Variants in JHY observed in about 807,000 individuals in gnomAD.
JHY encodes junctional cadherin complex regulator, also known as jhy protein homolog.
JHY carries 69 observed loss-of-function variants against 78.0 expected under a neutral mutation model. The observed-to-expected ratio is 0.88, with a 90% CI of 0.73 to 1.08. The LOEUF is 1.08. Ranked by LOEUF, JHY falls within the 50% of genes least tolerant of loss-of-function variation. The pLI, the probability that JHY is intolerant of heterozygous loss-of-function variation, is 0.00. For missense variants in JHY, 944 were observed against 927.8 expected, an observed-to-expected ratio of 1.02 and a Z score of -0.23; for synonymous variants, 368 against 342.6, an observed-to-expected ratio of 1.07 and a Z score of -0.82.
chr11:122,915,350 G>A (rs1273770393), intron 3 of JHY, among the ~76,000 whole-genome samples: 3 of 152,156 alleles, frequency 2.0e-5, no homozygotes, highest in East Asian at 1.9e-4. Context: ...CATGTAAACA[G>A]TCAATACCAA....
intron 1 of JHY, 42 bp from the exon 2 acceptor site, chr11:122,885,719 A>G (rs1862479590): frequency 1.5e-6 from 1 of 671,806 alleles, no homozygotes; most frequent in African/African-American, 1.8e-5. Context: ...CAGTATTGAG[A>G]TTTTAGTGGT....
At chr11:122,892,922 TAG>T (rs1862656138) in intron 2 of JHY, among the ~76,000 whole-genome samples, 1 of 152,172 alleles carries the variant, frequency 6.6e-6, no homozygotes, top group African/African-American at 2.4e-5. Flanking sequence ...TCGTACTGAT[TAG>T]GAGATTAAAG....
intron 3 of JHY, among the ~76,000 whole-genome samples, chr11:122,914,739 G>A (rs750393612): frequency 4.6e-5 from 7 of 151,892 alleles, no homozygotes; most frequent in South Asian, 2.1e-4. Context: ...CACCACACCC[G>A]GCCTGGTGGT....
intron 2 of JHY, among the ~76,000 whole-genome samples, chr11:122,896,342 C>CAAAAAA (rs11370911): frequency 1.4e-5 from 1 of 73,404 alleles, no homozygotes; most frequent in African/African-American, 5.4e-5. Context: ...GACTCTGTCT[C>CAAAAAA]AAAAAAAAAA....
chr11:122,934,435 T>C lies in JHY; in HGVS notation c.994T>C (p.Trp332Arg), dbSNP rs1433830053. 4 of 1,605,638 alleles carry C rather than the reference T, an allele frequency of 2.5e-6. No homozygotes were observed. The highest frequency in any genetic ancestry group is 3.4e-6 in the Non-Finnish European group (4 of 1,174,628). Residue 332 changes from tryptophan to arginine, a missense_variant, in exon 5 of 9, where the codon TGG becomes CGG. Transcript: ENST00000227349. ...ATCTCTTTAGAATTACCAGGAACAC[T>C]GGTCTCAATATGAAAGTACAAAATC... is the stretch of plus-strand genomic sequence containing the variant. ...AQQLKNYQEH[W>R]SQYESTKSSN...
intron 2 of JHY, among the ~76,000 whole-genome samples, chr11:122,900,511 C>CTTTT (rs374998954): frequency 0.012 from 792 of 65,022 alleles, 36 homozygotes; most frequent in African/African-American, 0.033. Flanking sequence ...ATACTACCAG[C>CTTTT]TTTTTTTTTT....
Position 122,934,715 on chromosome 11 carries a change from A to G in JHY, c.1274A>G (p.Gln425Arg). 30 of 1,614,176 alleles carry G rather than the reference A, an allele frequency of 1.9e-5. No homozygotes were observed. The highest frequency in any genetic ancestry group is 2.5e-5 in the Non-Finnish European group (30 of 1,180,032). ...VIMHASNNDV[Q>R]ASRALRSHNL... ...ATGCATGCCTCTAACAATGATGTAC[A>G]AGCCTCAAGGGCACTTAGAAGCCAC... Residue 425 changes from glutamine to arginine, a missense_variant, in exon 5 of 9, where the codon CAA becomes CGA. Gln to Arg is a conservative substitution (Grantham distance 43). Transcript: ENST00000227349.
chr11:122,954,268 C>G (rs1864148285), intron 6 of JHY, among the ~76,000 whole-genome samples: 1 of 152,216 alleles, frequency 6.6e-6, no homozygotes, highest in Non-Finnish European at 1.5e-5. Flanking sequence ...GGGGCTACCA[C>G]AGCCTTAAAG....
At chr11:122,957,580 C>A in intron 8 of JHY, 89 bp downstream of exon 8, 18 of 1,250,610 alleles carry the variant, frequency 1.4e-5, no homozygotes, top group East Asian at 3.4e-5. Flanking sequence ...TTTTAATTAG[C>A]CACAGAGTCT....
chr11:122,900,746 A>G (rs943207446), intron 2 of JHY, among the ~76,000 whole-genome samples: 1 of 152,172 alleles, frequency 6.6e-6, no homozygotes, highest in Non-Finnish European at 1.5e-5. Context: ...CCAAGAGGCT[A>G]TGAACCTTTC....
chr11:122,888,401 CA>C (rs1413147200), intron 2 of JHY, among the ~76,000 whole-genome samples: 1 of 152,206 alleles, frequency 6.6e-6, no homozygotes, highest in Non-Finnish European at 1.5e-5. Flanking sequence ...TAGTTTCACT[CA>C]ATTCTCCATC....
intron 2 of JHY, among the ~76,000 whole-genome samples, chr11:122,903,629 A>G (rs1862909482): frequency 6.6e-6 from 1 of 151,950 alleles, no homozygotes; most frequent in African/African-American, 2.4e-5. Context: ...CAGGTACGAC[A>G]CCATACCCAG....
At chr11:122,914,081 A>C (rs1863185406) in intron 3 of JHY, among the ~76,000 whole-genome samples, 1 of 152,194 alleles carries the variant, frequency 6.6e-6, no homozygotes, top group African/African-American at 2.4e-5. Context: ...TTCCTCATTA[A>C]AGTAAAATTA....
At chr11:122,911,607 A>G (rs1218931664) in intron 3 of JHY, among the ~76,000 whole-genome samples, 2 of 152,176 alleles carry the variant, frequency 1.3e-5, no homozygotes, top group East Asian at 3.9e-4. Flanking sequence ...AATAAACTGT[A>G]TTTAAGAAAG....
intron 2 of JHY, among the ~76,000 whole-genome samples, chr11:122,893,648 C>T (rs930744866): frequency 6.6e-6 from 1 of 152,080 alleles, no homozygotes; most frequent in Non-Finnish European, 1.5e-5. Context: ...AATTCATGAC[C>T]TTTGCCTCTT....
intron 6 of JHY, among the ~76,000 whole-genome samples, chr11:122,950,872 T>C (rs1864071125): frequency 6.6e-6 from 1 of 152,234 alleles, no homozygotes; most frequent in African/African-American, 2.4e-5. Context: ...CAGCCATCTT[T>C]CCAACTGGGG....
chr11:122,948,889 C>T (rs953596183), intron 6 of JHY, among the ~76,000 whole-genome samples: 3 of 151,844 alleles, frequency 2.0e-5, no homozygotes, highest in Admixed American at 6.6e-5. Context: ...TTTGAGACCA[C>T]CCTGGCCAAT....
intron 3 of JHY, among the ~76,000 whole-genome samples, chr11:122,919,352 C>CAAAA (rs72233254): frequency 9.9e-4 from 69 of 69,906 alleles, no homozygotes; most frequent in Non-Finnish European, 1.3e-3. Context: ...GACTCTGTCT[C>CAAAA]AAAAAAAAAA....
chr11:122,925,561 G>T (rs1863478759), intron 4 of JHY, among the ~76,000 whole-genome samples: 1 of 152,140 alleles, frequency 6.6e-6, no homozygotes, highest in Non-Finnish European at 1.5e-5. Flanking sequence ...AGATTTTTCT[G>T]AAATTCTCCA....
Sources: gnomAD v4.1 joint callset for allele counts (sites outside exome capture counted in the v4.1 genomes callset) on GRCh38, gnomAD v4.1.1 for gene constraint, MANE v1.5 for transcripts, NCBI Gene and HGNC (gene_info 2026-07-23, HGNC 2026-07-21) for gene names.